LRP1B: variants seen among roughly 807,000 people sequenced by gnomAD.
LRP1B encodes the protein low-density lipoprotein receptor-related protein 1B.
In LRP1B, 217 loss-of-function variants were observed where a neutral mutation model predicts 556.6. The observed-to-expected ratio is 0.39, with a 90% CI of 0.35 to 0.44. LRP1B has a LOEUF of 0.44. Ranked by LOEUF, LRP1B falls within the 20% of genes least tolerant of loss-of-function variation. The probability of loss-of-function intolerance (pLI) is 1.00; values close to 1 mark genes in which losing one functional copy is unlikely to be tolerated. For synonymous variants in LRP1B, 2,047 were observed against 1,865.8 expected (o/e 1.10, Z -2.50); for missense variants, 5,053 against 5,620.8 (o/e 0.90, Z 3.23).
At chr2:141,702,888 A>C (rs1333111296) in intron 2 of LRP1B, among the ~76,000 whole-genome samples, 1 of 151,880 alleles carries the variant, frequency 6.6e-6, no homozygotes, top group African/African-American at 2.4e-5. Flanking sequence ...TGTCTGCCCA[A>C]GTTGTGCTAA....
At chr2:140,756,621 T>C (rs762960672) in intron 35 of LRP1B, among the ~76,000 whole-genome samples, 2 of 152,160 alleles carry the variant, frequency 1.3e-5, no homozygotes, top group Non-Finnish European at 2.9e-5. Flanking sequence ...TAAGTAAATA[T>C]CCATATGCAA....
chr2:141,089,959 T>G (rs896521206), intron 7 of LRP1B, among the ~76,000 whole-genome samples: 1 of 152,220 alleles, frequency 6.6e-6, no homozygotes, highest in African/African-American at 2.4e-5. Context: ...GGTTATATTC[T>G]TCTAATCAGG....
At chr2:140,852,604 ATGTC>A (rs1692493469) in intron 27 of LRP1B, among the ~76,000 whole-genome samples, 1 of 152,136 alleles carries the variant, frequency 6.6e-6, no homozygotes, top group African/African-American at 2.4e-5. Context: ...ATGTGAAGAA[ATGTC>A]TGTCTGCCTT....
intron 32 of LRP1B, among the ~76,000 whole-genome samples, chr2:140,811,975 A>C (rs1158273958): frequency 1.3e-5 from 2 of 152,106 alleles, no homozygotes; most frequent in Non-Finnish European, 2.9e-5. Context: ...TTTCTCTTTT[A>C]CACATTTAAA....
intron 3 of LRP1B, among the ~76,000 whole-genome samples, chr2:141,314,507 T>G (rs1056381768): frequency 3.8e-4 from 58 of 152,168 alleles, no homozygotes; most frequent in African/African-American, 1.1e-3. Context: ...AAAATTGACC[T>G]ACGGCCGGGC....
chr2:141,637,400 G>T (rs1256467147), intron 2 of LRP1B, among the ~76,000 whole-genome samples: 1 of 152,122 alleles, frequency 6.6e-6, no homozygotes, highest in Non-Finnish European at 1.5e-5. Flanking sequence ...ATTATTCTAG[G>T]GGAAGAAACC....
rs2105343761 is a variant in LRP1B, at chr2:140,982,225, G to C, written c.2822C>G (p.Pro941Arg). 1.2e-6 allele frequency: 2 copies of C among 1,613,240 alleles called. No homozygotes were observed. The highest frequency in any genetic ancestry group is 1.7e-6 in the Non-Finnish European group (2 of 1,179,548). ...TTCCCTGTCACACAGCCATGCTCTG[G>C]GAATGCAACGCCCATTTCCGCAAGA... Reference protein sequence around the residue: ...QFSCGNGRCIPRAWLCDREDD... With the variant: ...QFSCGNGRCIRRAWLCDREDD... The change falls in exon 18 of 91, where the codon CCC becomes CGC. Residue 941 changes from proline to arginine, a missense_variant. Around this residue, in one of 5 missense-constraint regions of LRP1B, gnomAD observed 3,619 missense variants for 3,931.9 expected, o/e 0.92. Coordinates refer to ENST00000389484, the MANE Select transcript of LRP1B (RefSeq NM_018557.3).
At chr2:140,945,314 C>T (rs533499246) in intron 20 of LRP1B, among the ~76,000 whole-genome samples, 9 of 152,124 alleles carry the variant, frequency 5.9e-5, no homozygotes, top group Non-Finnish European at 1.3e-4. Flanking sequence ...AGATTCAACA[C>T]CATTCCTATC....
chr2:141,470,444 A>G (rs1473324562), intron 3 of LRP1B, among the ~76,000 whole-genome samples: 1 of 152,176 alleles, frequency 6.6e-6, no homozygotes, highest in Admixed American at 6.5e-5. Context: ...CAGGGAATAT[A>G]TAGTTAGCTG....
At chr2:141,211,397 G>A (rs1682543975) in intron 6 of LRP1B, among the ~76,000 whole-genome samples, 1 of 151,566 alleles carries the variant, frequency 6.6e-6, no homozygotes, top group Non-Finnish European at 1.5e-5. Flanking sequence ...CAAGGCAGGT[G>A]GATCACGAGG....
intron 90 of LRP1B, among the ~76,000 whole-genome samples, chr2:140,233,528 A>G (rs1013385427): frequency 2.6e-5 from 4 of 151,220 alleles, no homozygotes; most frequent in Admixed American, 2.0e-4. Context: ...AATGAAACAT[A>G]ATTTTACATT....
At chr2:140,548,685 G>T (rs551137906) in intron 43 of LRP1B, among the ~76,000 whole-genome samples, 1 of 152,174 alleles carries the variant, frequency 6.6e-6, no homozygotes, top group Admixed American at 6.6e-5. Flanking sequence ...CATTTTAGGA[G>T]GCCAAGGTAG....
chr2:141,009,882 T>C (rs1697692260), intron 14 of LRP1B, among the ~76,000 whole-genome samples: 1 of 152,036 alleles, frequency 6.6e-6, no homozygotes, highest in African/African-American at 2.4e-5. Context: ...AAATTAAACA[T>C]AGAAAAATAC....
chr2:141,624,272 T>A lies in LRP1B; in HGVS notation c.206-143739A>T, dbSNP rs548126509. On this transcript the variant is annotated intron_variant, in intron 2 of 90. Coordinates refer to ENST00000389484, the MANE Select transcript of LRP1B (RefSeq NM_018557.3). ...TAGGCATAATATTATACAACCTGAG[T>A]AAGTATATTAATAGAACTTTAAAGT... Among the ~76,000 whole-genome samples the A allele has an allele frequency of 2.4e-4, 36 of 152,126 alleles. 1 individual carries two copies. The highest frequency in any genetic ancestry group is 8.4e-4 in the African/African-American group (35 of 41,548).
intron 1 of LRP1B, among the ~76,000 whole-genome samples, chr2:141,850,695 T>C (rs1697820837): frequency 6.6e-6 from 1 of 150,390 alleles, no homozygotes; most frequent in Non-Finnish European, 1.5e-5. Context: ...TTCTCATTCC[T>C]GGCACAATTC....
At chr2:140,769,089 T>C in intron 35 of LRP1B, 124 bp downstream of exon 35, 1 of 859,816 alleles carries the variant, frequency 1.2e-6, no homozygotes, top group Non-Finnish European at 1.8e-6. Context: ...AATATTTATC[T>C]ATTTGCTGCT....
At chr2:140,331,899 G>A (rs1267377194) in intron 79 of LRP1B, among the ~76,000 whole-genome samples, 2 of 151,838 alleles carry the variant, frequency 1.3e-5, no homozygotes, top group Non-Finnish European at 2.9e-5. Flanking sequence ...GTTTTGCCAT[G>A]TTGGGCAGGC....
intron 41 of LRP1B, among the ~76,000 whole-genome samples, chr2:140,628,040 AAGAC>A (rs1683731279): frequency 1.3e-5 from 2 of 152,328 alleles, no homozygotes; most frequent in South Asian, 4.1e-4. Flanking sequence ...AGCAGAGTAT[AAGAC>A]AGAGGCACCA....
chr2:140,353,163 A>G (rs1338178686), intron 75 of LRP1B, 91 bp from the exon 76 acceptor site: 4 of 1,297,026 alleles, frequency 3.1e-6, no homozygotes, highest in Non-Finnish European at 4.3e-6. Flanking sequence ...ATTATTTTTA[A>G]CTTATTACTA....
Sources: allele counts gnomAD v4.1 joint callset (sites outside exome capture counted in the v4.1 genomes callset), GRCh38; gene constraint gnomAD v4.1.1; regional missense constraint gnomAD v4.1.1; transcripts MANE v1.5; gene names NCBI Gene and HGNC (gene_info 2026-07-23, HGNC 2026-07-21).